Variants in FAM135B observed in about 807,000 individuals in gnomAD.
FAM135B encodes protein FAM135B.
FAM135B carries 43 observed loss-of-function variants against 127.7 expected under a neutral mutation model. That is an observed-to-expected ratio of 0.34 (90% CI 0.26 to 0.43). The LOEUF (loss-of-function observed/expected upper bound fraction) is 0.43, where lower values mean the gene tolerates loss of function less well. Among genes scored for constraint, FAM135B ranks in the 20% least tolerant of loss-of-function variants. FAM135B has a pLI of 1.00. For synonymous variants in FAM135B, 670 were observed against 665.1 expected (o/e 1.01, Z -0.11); for missense variants, 1,558 against 1,725.6 (o/e 0.90, Z 1.72).
intron 1 of FAM135B, among the ~76,000 whole-genome samples, chr8:138,443,621 AC>A (rs1835935310): frequency 1.3e-5 from 2 of 152,240 alleles, no homozygotes; most frequent in South Asian, 2.1e-4. Context: ...CTAAGCACTG[AC>A]TGAGGGACAA....
intron 1 of FAM135B, among the ~76,000 whole-genome samples, chr8:138,485,378 G>A (rs923518336): frequency 1.3e-5 from 2 of 152,042 alleles, no homozygotes; most frequent in Admixed American, 6.6e-5. Flanking sequence ...AGGAAGAGTC[G>A]CATCGAGGTT....
chr8:138,363,250 T>G (rs149902005), intron 2 of FAM135B, among the ~76,000 whole-genome samples: 4 of 152,086 alleles, frequency 2.6e-5, no homozygotes, highest in African/African-American at 9.7e-5. Context: ...GTAGTGAAAA[T>G]TTAGTTGGCA....
rs2130483239 is a variant in FAM135B, at chr8:138,132,648, G to A, written c.4166C>T (p.Ser1389Leu). The A allele has an allele frequency of 6.2e-7, 1 of 1,614,192 alleles. No individual in the cohort carries two copies. Among genetic ancestry groups the A allele is most frequent in the East Asian group, 2.2e-5 (1 of 44,874 alleles). Residue 1389 changes from serine (S) to leucine (L), a missense_variant, in exon 20 of 20, where the codon TCA becomes TTA. By Grantham distance (145) the Ser-to-Leu change is moderately radical. Coordinates refer to ENST00000395297, the MANE Select transcript of FAM135B (RefSeq NM_015912.4). This position sits in a 1 kb window ranked among gnomAD's most constrained non-coding sequence, Gnocchi z 4.5. ...GRAAHIAVLD[S>L]ELFLEKFFLV... Reference sequence around the variant, plus strand: ...GAAAAACTTCTCCAGGAAGAGTTCTGAATCCAGCACAGCGATGTGAGCGGC... The same window carrying A: ...GAAAAACTTCTCCAGGAAGAGTTCTAAATCCAGCACAGCGATGTGAGCGGC...
At chr8:138,344,684 G>A (rs369745466) in intron 2 of FAM135B, among the ~76,000 whole-genome samples, 97 of 146,962 alleles carry the variant, frequency 6.6e-4, no homozygotes, top group African/African-American at 2.4e-3. Flanking sequence ...CATGACATTC[G>A]CCTGCCTCAG....
At chr8:138,178,387 C>A in intron 10 of FAM135B, 148 bp downstream of exon 10, 1 of 845,230 alleles carries the variant, frequency 1.2e-6, no homozygotes, top group Non-Finnish European at 1.8e-6. Flanking sequence ...TAAGGAAGTT[C>A]ACAACGCCAC....
chr8:138,275,413 G>A (rs917623911), intron 3 of FAM135B, among the ~76,000 whole-genome samples: 6 of 152,182 alleles, frequency 3.9e-5, no homozygotes, highest in African/African-American at 1.2e-4. Context: ...GGCCAGGCAC[G>A]ATGACTCATT....
intron 1 of FAM135B, among the ~76,000 whole-genome samples, chr8:138,385,537 G>A (rs962688234): frequency 2.6e-5 from 4 of 152,192 alleles, no homozygotes; most frequent in African/African-American, 4.8e-5. Context: ...GGGGCCTGGC[G>A]AGGTGGCTCA....
At chr8:138,377,437 G>C (rs540842374) in intron 1 of FAM135B, among the ~76,000 whole-genome samples, 86 of 152,234 alleles carry the variant, frequency 5.6e-4, no homozygotes, top group African/African-American at 2.0e-3. Context: ...CATGGTTGTG[G>C]AGGCTGGGAA....
intron 1 of FAM135B, among the ~76,000 whole-genome samples, chr8:138,487,993 G>C (rs937632625): frequency 4.0e-5 from 6 of 151,550 alleles, no homozygotes; most frequent in African/African-American, 1.5e-4. Flanking sequence ...GACAGAGTGA[G>C]ACTCTCTCTC....
intron 3 of FAM135B, among the ~76,000 whole-genome samples, chr8:138,283,246 GTACGTCCA>G (rs1433368582): frequency 6.6e-6 from 1 of 152,108 alleles, no homozygotes; most frequent in Non-Finnish European, 1.5e-5. Flanking sequence ...ATAAACTGTG[GTACGTCCA>G]TACAATGGAA....
rs115237159 is a variant in FAM135B, at chr8:138,254,266, A to G, written c.368+2423T>C. ...AGTTTTACACACTTTGAATAAACCAATCTCCTGTATAAAGGCTCTCCATTA... is the reference window on the plus strand; with the variant it reads ...AGTTTTACACACTTTGAATAAACCAGTCTCCTGTATAAAGGCTCTCCATTA... On this transcript the variant is annotated intron_variant, in intron 5 of 19. Coordinates refer to ENST00000395297, the MANE Select transcript of FAM135B (RefSeq NM_015912.4). 1.7e-3 allele frequency among the ~76,000 whole-genome samples: 259 copies of G among 152,346 alleles called. 3 individuals are homozygous for G. Among genetic ancestry groups the G allele is most frequent in the African/African-American group, 5.8e-3 (242 of 41,564 alleles).
chr8:138,371,082 A>G (rs340712), intron 1 of FAM135B, among the ~76,000 whole-genome samples: 77,602 of 152,060 alleles, frequency 0.51, 21,643 homozygotes, highest in Non-Finnish European at 0.64. Flanking sequence ...CCACTGGCCT[A>G]AAGACAAGGG....
At chr8:138,378,822 C>A (rs1055041461) in intron 1 of FAM135B, among the ~76,000 whole-genome samples, 1 of 152,096 alleles carries the variant, frequency 6.6e-6, no homozygotes, top group African/African-American at 2.4e-5. Context: ...CTATGTCCCC[C>A]TTAGCTTAGG....
At chr8:138,491,796 A>G (rs1458846711) in intron 1 of FAM135B, among the ~76,000 whole-genome samples, 1 of 152,226 alleles carries the variant, frequency 6.6e-6, no homozygotes, top group Non-Finnish European at 1.5e-5. Context: ...TGATATGCTA[A>G]GGTGACATTT....
At chr8:138,220,987 C>T (rs1021069811) in intron 7 of FAM135B, among the ~76,000 whole-genome samples, 16 of 152,248 alleles carry the variant, frequency 1.1e-4, no homozygotes, top group African/African-American at 2.4e-4. Context: ...AGACTAAAAA[C>T]GAAGTGAGAC....
chr8:138,431,739 G>A (rs1835198139), intron 1 of FAM135B, among the ~76,000 whole-genome samples: 2 of 152,160 alleles, frequency 1.3e-5, no homozygotes, highest in African/African-American at 4.8e-5. Flanking sequence ...GCTGTCACGT[G>A]GGACTCAGGA....
chr8:138,225,930 G>C (rs1819392014), intron 7 of FAM135B, among the ~76,000 whole-genome samples: 1 of 152,076 alleles, frequency 6.6e-6, no homozygotes, highest in Admixed American at 6.5e-5. Flanking sequence ...GTAAATTTCA[G>C]TTATATTGAA....
intron 3 of FAM135B, among the ~76,000 whole-genome samples, chr8:138,286,577 A>G (rs1824705757): frequency 6.6e-6 from 1 of 152,206 alleles, no homozygotes; most frequent in African/African-American, 2.4e-5. Flanking sequence ...ATCCCAGGCA[A>G]CAAGAGGAAG....
intron 3 of FAM135B, among the ~76,000 whole-genome samples, chr8:138,281,466 T>TA (rs5895509): frequency 0.53 from 77,745 of 147,854 alleles, 20,203 homozygotes; most frequent in Middle Eastern, 0.58. Context: ...AGCATCAGTT[T>TA]AAAAAAAAAA....
Sources: gnomAD v4.1 joint callset for allele counts (sites outside exome capture counted in the v4.1 genomes callset) on GRCh38, gnomAD v4.1.1 for gene constraint, Gnocchi (gnomAD v3.1) non-coding constraint, MANE v1.5 for transcripts, NCBI Gene and HGNC (gene_info 2026-07-23, HGNC 2026-07-21) for gene names.